AMBRA1: variants seen among roughly 807,000 people sequenced by gnomAD.
AMBRA1 encodes activating molecule in BECN1-regulated autophagy protein 1.
A neutral mutation model predicts 125.4 loss-of-function variants in AMBRA1; 47 were observed. The observed-to-expected ratio is 0.37, with a 90% CI of 0.30 to 0.48. The LOEUF is 0.48. AMBRA1 is among the 20% of genes least tolerant of loss of function. The pLI is 0.99. For missense variants in AMBRA1, 1,331 were observed against 1,693.4 expected (o/e 0.79, Z 3.76); for synonymous variants, 626 against 655.5 (o/e 0.95, Z 0.69).
chr11:46,410,478 C>G (rs1198670771), intron 15 of AMBRA1, 110 bp from the exon 16 acceptor site: 1 of 928,552 alleles, frequency 1.1e-6, no homozygotes, highest in Non-Finnish European at 1.7e-6. Context: ...CATCCTTTCT[C>G]TCTCCTGGGG....
At chr11:46,482,168 A>G (rs1326334150) in intron 11 of AMBRA1, among the ~76,000 whole-genome samples, 2 of 152,078 alleles carry the variant, frequency 1.3e-5, no homozygotes, top group Admixed American at 6.6e-5. Context: ...GTTTTTCTCT[A>G]TAATACTACT....
intron 1 of AMBRA1, among the ~76,000 whole-genome samples, chr11:46,580,947 G>A (rs777605085): frequency 7.2e-5 from 11 of 151,750 alleles, no homozygotes; most frequent in East Asian, 3.9e-4. Flanking sequence ...GTGAGCCACC[G>A]CACCCAGCTA....
intron 11 of AMBRA1, among the ~76,000 whole-genome samples, chr11:46,492,242 A>G (rs937301735): frequency 6.6e-6 from 1 of 152,270 alleles, no homozygotes; most frequent in Admixed American, 6.5e-5. Flanking sequence ...GGTGTCTGAC[A>G]GAGAAACCAC....
At chr11:46,475,672 C>T (rs1324033670) in intron 11 of AMBRA1, among the ~76,000 whole-genome samples, 1 of 152,174 alleles carries the variant, frequency 6.6e-6, no homozygotes, top group African/African-American at 2.4e-5. Context: ...CAGTTATGCT[C>T]CCCACACAAA....
intron 8 of AMBRA1, among the ~76,000 whole-genome samples, chr11:46,511,742 T>C (rs1951265251): frequency 6.6e-6 from 1 of 152,232 alleles, no homozygotes. Context: ...CAGATGAATG[T>C]TATCCATTAA....
intron 17 of AMBRA1, among the ~76,000 whole-genome samples, chr11:46,405,114 A>C (rs1945945005): frequency 6.6e-6 from 1 of 152,146 alleles, no homozygotes; most frequent in South Asian, 2.1e-4. Flanking sequence ...ACTTGGTGCC[A>C]TTTCATGTGC....
At chr11:46,552,840 G>T (rs1368805610) in intron 1 of AMBRA1, among the ~76,000 whole-genome samples, 1 of 152,028 alleles carries the variant, frequency 6.6e-6, no homozygotes, top group Non-Finnish European at 1.5e-5. Context: ...TTGTCTCTCA[G>T]TAGTGGCATT....
intron 1 of AMBRA1, among the ~76,000 whole-genome samples, chr11:46,572,495 T>C (rs764713896): frequency 1.3e-5 from 2 of 152,188 alleles, no homozygotes; most frequent in South Asian, 2.1e-4. Context: ...GAGTAAATAA[T>C]CATAGCAGTT....
intron 5 of AMBRA1, among the ~76,000 whole-genome samples, chr11:46,545,171 G>GC (rs1555003135): frequency 3.6e-5 from 5 of 140,834 alleles, no homozygotes; most frequent in Non-Finnish European, 4.7e-5. Flanking sequence ...CGGGGGGGGG[G>GC]GGGTGGTGGT....
At chr11:46,422,097 T>C (rs994700429) in intron 14 of AMBRA1, among the ~76,000 whole-genome samples, 1 of 152,158 alleles carries the variant, frequency 6.6e-6, no homozygotes, top group Admixed American at 6.5e-5. Context: ...GCCGTGCAGC[T>C]ACACCACCAA....
Position 46,512,817 on chromosome 11 carries a change from G to GCA in AMBRA1, c.2073-6_2073-5dup, listed in dbSNP as rs757557018. Reference sequence around the variant, plus strand: ...GAGGGAAGATTCCAGCAGCCTCCTAGCAGAGATTAAAAAAATGGCAATAAT... The same window carrying GCA: ...GAGGGAAGATTCCAGCAGCCTCCTAGCACAGAGATTAAAAAAATGGCAATAAT... On this transcript the variant is annotated splice_polypyrimidine_tract_variant and splice_region_variant and intron_variant, in intron 7 of 17. Coordinates refer to ENST00000683756, the MANE Select transcript of AMBRA1 (RefSeq NM_001387011.1). 6 of 1,608,166 alleles carry GCA rather than the reference G, an allele frequency of 3.7e-6. No individual in the cohort carries two copies. Among genetic ancestry groups the GCA allele is most frequent in the Non-Finnish European group, 4.2e-6 (5 of 1,177,136 alleles).
chr11:46,469,214 C>G (rs1378612401), intron 11 of AMBRA1, among the ~76,000 whole-genome samples: 1 of 152,166 alleles, frequency 6.6e-6, no homozygotes, highest in Non-Finnish European at 1.5e-5. Context: ...ATATCTATAT[C>G]TAACGTATTT....
intron 1 of AMBRA1, among the ~76,000 whole-genome samples, chr11:46,586,338 G>A (rs562562421): frequency 6.6e-6 from 1 of 152,300 alleles, no homozygotes; most frequent in South Asian, 2.1e-4. Flanking sequence ...GAACCCAGGA[G>A]GCAGAGGCTG....
intron 11 of AMBRA1, among the ~76,000 whole-genome samples, chr11:46,450,565 G>C (rs138306661): frequency 6.6e-6 from 1 of 151,758 alleles, no homozygotes; most frequent in Non-Finnish European, 1.5e-5. Context: ...TCAGCCTCCC[G>C]AGTAGCTGGG....
chr11:46,570,871 C>T (rs971108092), intron 1 of AMBRA1, among the ~76,000 whole-genome samples: 15 of 152,000 alleles, frequency 9.9e-5, no homozygotes, highest in South Asian at 2.1e-4. Flanking sequence ...GAAGACTACA[C>T]GATGCAGCAA....
intron 11 of AMBRA1, among the ~76,000 whole-genome samples, chr11:46,488,165 A>T (rs777759077): frequency 6.6e-6 from 1 of 152,218 alleles, no homozygotes; most frequent in Non-Finnish European, 1.5e-5. Context: ...TCAAAAATTG[A>T]CAAAATTGGG....
chr11:46,414,628 C>T (rs928623475), intron 15 of AMBRA1, among the ~76,000 whole-genome samples: 1 of 152,042 alleles, frequency 6.6e-6, no homozygotes, highest in Admixed American at 6.5e-5. Flanking sequence ...CACTTCACAC[C>T]CCCCATGGTT....
Position 46,556,142 on chromosome 11 carries a change from T to C in AMBRA1, c.-120-7642A>G, listed in dbSNP as rs190969014. ...AGCCTAAAACTGCCCCAGTACTCTTTGGAAACTCCATATGGATGGAAATAC... is the reference window on the plus strand; with the variant it reads ...AGCCTAAAACTGCCCCAGTACTCTTCGGAAACTCCATATGGATGGAAATAC... On this transcript the variant is annotated intron_variant, in intron 1 of 17. Coordinates refer to ENST00000683756, the MANE Select transcript of AMBRA1 (RefSeq NM_001387011.1). Among the ~76,000 whole-genome samples, 5 of 152,374 alleles carry C rather than the reference T, an allele frequency of 3.3e-5. No individual in the cohort carries two copies. The East Asian group carries it at 9.6e-4, about 29-fold the overall frequency.
At position 46,542,121 on chromosome 11, in the gene AMBRA1, C is replaced by T. The variant is rs2135166790; in HGVS notation, c.1896G>A (p.Leu632=). 6.2e-7 allele frequency: 1 copy of T among 1,614,084 alleles called. No individual in the cohort carries two copies. Among genetic ancestry groups the T allele is most frequent in the South Asian group, 1.1e-5 (1 of 91,084 alleles). The change falls in exon 7 of 18, where the codon CTG becomes CTA. Residue 632 remains leucine (L), a synonymous_variant. Coordinates refer to ENST00000683756, the MANE Select transcript of AMBRA1 (RefSeq NM_001387011.1). The surrounding 1 kb of genome is among the most constrained non-coding windows in gnomAD (Gnocchi z 5.9). ...TEGQTPSSSR[L]ELSSSASPQE... is the part of the protein sequence containing the mutation. ...GCGGACTAGCAGAGCTGCTCAACTCCAGCCTGCTGGAGCTGGGCGTTTGGC... is the reference window on the plus strand; with the variant it reads ...GCGGACTAGCAGAGCTGCTCAACTCTAGCCTGCTGGAGCTGGGCGTTTGGC...
Sources: allele counts gnomAD v4.1 joint callset (sites outside exome capture counted in the v4.1 genomes callset), GRCh38; gene constraint gnomAD v4.1.1; non-coding constraint Gnocchi (gnomAD v3.1); transcripts MANE v1.5; gene names NCBI Gene and HGNC (gene_info 2026-07-23, HGNC 2026-07-21).